NRCAM: variants seen among roughly 807,000 people sequenced by gnomAD.
NRCAM encodes the protein NgCAM-related cell adhesion molecule.
NRCAM carries 83 observed loss-of-function variants against 156.5 expected under a neutral mutation model. The ratio of observed to expected loss-of-function variants is 0.53; its 90% CI spans 0.44 to 0.64. The LOEUF is 0.64. Ranked by LOEUF, NRCAM falls within the 30% of genes least tolerant of loss-of-function variation. NRCAM has a pLI of 0.00. For missense variants in NRCAM, 1,417 were observed against 1,597.3 expected, an observed-to-expected ratio of 0.89 and a Z score of 1.92; for synonymous variants, 538 against 563.9, an observed-to-expected ratio of 0.95 and a Z score of 0.65.
rs1483465263 is a variant in NRCAM at position 108,150,110 on chromosome 7, G to A, written c.3715C>T (p.Arg1239Ter). 1 of 1,612,154 alleles carries A rather than the reference G, an allele frequency of 6.2e-7. No homozygotes were observed. The highest frequency in any genetic ancestry group is 8.5e-7 in the Non-Finnish European group (1 of 1,179,552). Reference protein sequence around the residue: ...EDHKPLKKGSRTPSDRTVKKE... With the variant: ...EDHKPLKKGS ...TTCACAGTCCTGTCTGAAGGAGTTC[G>A]ACTTCCTTTTTTCAAAGGCTTGTGG... Residue 1239 changes from arginine (R) to a stop codon, truncating the protein, a stop_gained, in exon 33 of 33, where the codon CGA becomes TGA. Coordinates refer to ENST00000379028, the MANE Select transcript of NRCAM (RefSeq NM_001037132.4). LOFTEE classifies it high-confidence loss of function.
At chr7:108,379,274 A>G (rs957192875) in intron 2 of NRCAM, among the ~76,000 whole-genome samples, 1 of 152,206 alleles carries the variant, frequency 6.6e-6, no homozygotes, top group African/African-American at 2.4e-5. Flanking sequence ...AACAAAAATG[A>G]TAAAGGAACG....
chr7:108,404,395 G>T (rs1408753185), intron 1 of NRCAM, among the ~76,000 whole-genome samples: 2 of 152,122 alleles, frequency 1.3e-5, no homozygotes, highest in African/African-American at 2.4e-5. Context: ...ACCAATTTAT[G>T]TTCTATGGCA....
At chr7:108,199,976 T>G (rs917699556) in intron 13 of NRCAM, among the ~76,000 whole-genome samples, 4 of 152,206 alleles carry the variant, frequency 2.6e-5, no homozygotes, top group Admixed American at 6.5e-5. Flanking sequence ...AATAAGTTTT[T>G]AGCATCCAAG....
chr7:108,162,779 A>C (rs1410167081), intron 30 of NRCAM, among the ~76,000 whole-genome samples: 1 of 152,264 alleles, frequency 6.6e-6, no homozygotes, highest in Non-Finnish European at 1.5e-5. Flanking sequence ...TAATAGGTGC[A>C]TGTGTGCACA....
At chr7:108,252,415 T>C (rs1002388082) in intron 3 of NRCAM, among the ~76,000 whole-genome samples, 1 of 152,214 alleles carries the variant, frequency 6.6e-6, no homozygotes, top group Non-Finnish European at 1.5e-5. Context: ...CTTGCTAGAG[T>C]ATAAAACACT....
chr7:108,202,618 A>G (rs2078781247), intron 13 of NRCAM, among the ~76,000 whole-genome samples: 1 of 152,204 alleles, frequency 6.6e-6, no homozygotes, highest in South Asian at 2.1e-4. Flanking sequence ...TCCCTACAAG[A>G]GGATGCCACT....
chr7:108,200,360 G>T (rs1182537204), intron 13 of NRCAM, among the ~76,000 whole-genome samples: 2 of 152,202 alleles, frequency 1.3e-5, no homozygotes, highest in African/African-American at 4.8e-5. Context: ...TGTAGCTGTG[G>T]CAGGCAGCCA....
At chr7:108,451,424 A>T in intron 1 of NRCAM, among the ~76,000 whole-genome samples, 1 of 151,844 alleles carries the variant, frequency 6.6e-6, no homozygotes, top group East Asian at 1.9e-4. Context: ...AAAAAATAGA[A>T]CTACCATATG....
intron 2 of NRCAM, among the ~76,000 whole-genome samples, chr7:108,331,711 G>T (rs1358444333): frequency 6.6e-6 from 1 of 151,310 alleles, no homozygotes; most frequent in African/African-American, 2.4e-5. Flanking sequence ...ATGTGTAGAT[G>T]ATTCTTTCAG....
chr7:108,313,140 A>C (rs1160324275), intron 2 of NRCAM: 1 of 152,150 alleles, frequency 6.6e-6, no homozygotes, highest in Non-Finnish European at 1.5e-5. Flanking sequence ...GAAAGGCCCC[A>C]GGTTTTCAAC....
At chr7:108,212,546 G>GA (rs1407796201) in intron 11 of NRCAM, among the ~76,000 whole-genome samples, 1 of 151,950 alleles carries the variant, frequency 6.6e-6, no homozygotes, top group East Asian at 1.9e-4. Flanking sequence ...ACACTATAAA[G>GA]AAAAAACAAT....
intron 3 of NRCAM, among the ~76,000 whole-genome samples, chr7:108,284,546 T>A (rs2098001399): frequency 6.6e-6 from 1 of 151,844 alleles, no homozygotes. Flanking sequence ...ACTTGGCACA[T>A]AAGGTCCCTT....
At chr7:108,225,739 TG>T in intron 9 of NRCAM, 38 bp from the exon 10 acceptor site, 1 of 1,330,406 alleles carries the variant, frequency 7.5e-7, no homozygotes, top group Non-Finnish European at 1.1e-6. Context: ...GGCATAAAAG[TG>T]GGGGAGAAGG....
chr7:108,437,726 C>T lies in NRCAM; in HGVS notation c.-332+18517G>A, dbSNP rs994689255. ...ACAAAGCACAAAAAAAACACATTTC[C>T]ATGTAAACAAAGATTTTATAAAGCA... On this transcript the variant is annotated intron_variant, in intron 1 of 32. Transcript: ENST00000379028. Among the ~76,000 whole-genome samples, 3 of 152,164 alleles carry T rather than the reference C, an allele frequency of 2.0e-5. No individual in the cohort carries two copies. In the East Asian group the frequency reaches 5.8e-4, roughly 29 times the overall value.
rs62469176 is a variant in NRCAM, at chr7:108,182,504, A to G, written c.2530+191T>C. On this transcript the variant is annotated intron_variant, in intron 23 of 32. Coordinates refer to ENST00000379028, the MANE Select transcript of NRCAM (RefSeq NM_001037132.4). ...ACCAATCCCCTGTGGATACCAAGGG[A>G]CAACTATACTGCAATCACCTTGAAC... Among the ~76,000 whole-genome samples the G allele has an allele frequency of 4.1e-3, 622 of 152,358 alleles. 4 individuals carry two copies. The highest frequency in any genetic ancestry group is 0.01 in the Middle Eastern group (3 of 294).
At chr7:108,266,401 G>A (rs1246737805) in intron 3 of NRCAM, among the ~76,000 whole-genome samples, 2 of 152,160 alleles carry the variant, frequency 1.3e-5, no homozygotes, top group East Asian at 3.9e-4. Flanking sequence ...GTAAAGCCTG[G>A]GTATGATGGC....
At position 108,424,202 on chromosome 7, in the gene NRCAM, A is replaced by G. The variant is rs139114301; in HGVS notation, c.-331-24609T>C. On this transcript the variant is annotated intron_variant, in intron 1 of 32. Coordinates refer to ENST00000379028, the MANE Select transcript of NRCAM (RefSeq NM_001037132.4). ...GCTGACTGACCAGTTAGAGCTTATC[A>G]GGTTTCCTACCAGGAGTGGGGCATC... is the stretch of plus-strand genomic sequence containing the variant. Among the ~76,000 whole-genome samples, 747 of 152,354 alleles carry G rather than the reference A, an allele frequency of 4.9e-3. 12 individuals are homozygous for G. The highest frequency in any genetic ancestry group is 0.017 in the African/African-American group (710 of 41,576).
chr7:108,207,535 T>C lies in NRCAM; in HGVS notation c.1200A>G (p.Pro400=), dbSNP rs749179402. ...CCACTCAAGGCAACTTACTTTCTAT[T>C]GGGACTCCATTTGTTAACCAGCTAA... ...PRISWLTNGV[P]IEIAPDDPSR... The change falls in exon 13 of 33, where the codon CCA becomes CCG. Residue 400 remains proline (P), a synonymous_variant. Coordinates refer to ENST00000379028, the MANE Select transcript of NRCAM (RefSeq NM_001037132.4). The C allele has an allele frequency of 3.5e-5, 57 of 1,613,996 alleles. No homozygotes were observed. Among genetic ancestry groups the C allele is most frequent in the Non-Finnish European group, 4.7e-5 (55 of 1,179,964 alleles).
intron 26 of NRCAM, among the ~76,000 whole-genome samples, chr7:108,177,450 C>T (rs533405260): frequency 9.2e-5 from 14 of 151,970 alleles, no homozygotes; most frequent in African/African-American, 2.2e-4. Context: ...GGTGAAACCC[C>T]GTCTCTACTA....
Sources: allele counts gnomAD v4.1 joint callset (sites outside exome capture counted in the v4.1 genomes callset), GRCh38; gene constraint gnomAD v4.1.1; transcripts MANE v1.5; gene names NCBI Gene and HGNC (gene_info 2026-07-23, HGNC 2026-07-21).